The following MACROD2 variants were observed in gnomAD, a reference collection of about 807,000 sequenced individuals.
The protein encoded by MACROD2 is mono-ADP ribosylhydrolase 2, also known as ADP-ribose glycohydrolase MACROD2.
In MACROD2, 36 loss-of-function variants were observed where a neutral mutation model predicts 70.4. That is an observed-to-expected ratio of 0.51 (90% CI 0.39 to 0.68). MACROD2 has a LOEUF of 0.68. Ranked by LOEUF, MACROD2 falls within the 30% of genes least tolerant of loss-of-function variation. The pLI is 0.00. For missense variants in MACROD2, 496 were observed against 538.4 expected, an observed-to-expected ratio of 0.92 and a Z score of 0.78; for synonymous variants, 172 against 178.8, an observed-to-expected ratio of 0.96 and a Z score of 0.30.
chr20:15,204,394 T>C (rs1400106882), intron 5 of MACROD2, among the ~76,000 whole-genome samples: 1 of 152,136 alleles, frequency 6.6e-6, no homozygotes, highest in African/African-American at 2.4e-5. Flanking sequence ...TGAATTCTAA[T>C]AGGTCTAATT....
intron 8 of MACROD2, among the ~76,000 whole-genome samples, chr20:15,715,886 G>C (rs1393046553): frequency 1.3e-5 from 2 of 152,068 alleles, no homozygotes; most frequent in East Asian, 3.9e-4. Flanking sequence ...CAGATAAAAA[G>C]ATTCAAGACT....
rs140435883 is a variant in MACROD2 at position 15,252,706 on chromosome 20, A to G, written c.540+22645A>G. 1.7e-3 allele frequency among the ~76,000 whole-genome samples: 260 copies of G among 152,340 alleles called. 1 individual carries two copies. The highest frequency in any genetic ancestry group is 1.8e-3 in the Non-Finnish European group (124 of 68,018). On this transcript the variant is annotated intron_variant, in intron 6 of 17. Coordinates refer to ENST00000684519, the MANE Select transcript of MACROD2 (RefSeq NM_001351661.2). The stretch of plus-strand genomic sequence containing the variant: ...ATGAAAAACATCACCAGAAGGATTA[A>G]GAAACTTGGCCAAGATCACTTGCAA...
At chr20:14,480,938 A>G (rs955681537) in intron 3 of MACROD2, among the ~76,000 whole-genome samples, 39 of 152,190 alleles carry the variant, frequency 2.6e-4, no homozygotes, top group African/African-American at 9.2e-4. Context: ...AATAGAAGCC[A>G]ACTACAATTT....
intron 5 of MACROD2, among the ~76,000 whole-genome samples, chr20:14,764,978 C>A (rs2072067285): frequency 6.6e-6 from 1 of 152,094 alleles, no homozygotes; most frequent in African/African-American, 2.4e-5. Context: ...CGGCACTGTG[C>A]AAACAATGGC....
At chr20:15,904,746 T>A (rs1054636435) in intron 10 of MACROD2, among the ~76,000 whole-genome samples, 2 of 151,992 alleles carry the variant, frequency 1.3e-5, no homozygotes, top group African/African-American at 4.8e-5. Flanking sequence ...CCGGGCGTGG[T>A]GGCTGGTGCC....
chr20:14,204,520 A>G (rs1295540772), intron 3 of MACROD2, among the ~76,000 whole-genome samples: 1 of 152,110 alleles, frequency 6.6e-6, no homozygotes, highest in Non-Finnish European at 1.5e-5. Context: ...CTCTGAAACA[A>G]TGCCATCATG....
intron 6 of MACROD2, among the ~76,000 whole-genome samples, chr20:15,296,760 T>C (rs1181568184): frequency 1.3e-5 from 2 of 151,806 alleles, no homozygotes; most frequent in Non-Finnish European, 2.9e-5. Flanking sequence ...ATTTGCCTTT[T>C]TCTATGGTGT....
intron 10 of MACROD2, among the ~76,000 whole-genome samples, chr20:15,929,154 C>A (rs535156797): frequency 6.6e-6 from 1 of 152,292 alleles, no homozygotes; most frequent in Admixed American, 6.5e-5. Context: ...GGTTCTACTG[C>A]AAGCTGTGAG....
rs564229992 is a variant in MACROD2 at position 15,636,555 on chromosome 20, A to G, written c.645+136708A>G. 9.8e-5 allele frequency among the ~76,000 whole-genome samples: 15 copies of G among 152,298 alleles called. No individual in the cohort carries two copies. In the East Asian group the frequency reaches 2.7e-3, roughly 27 times the overall value. On this transcript the variant is annotated intron_variant, in intron 8 of 17. Coordinates refer to ENST00000684519, the MANE Select transcript of MACROD2 (RefSeq NM_001351661.2). ...TTGACCTTGTTTGTATGTATATCAC[A>G]GTGTTTATATAGTCAGATCTTTCAG...
intron 4 of MACROD2, among the ~76,000 whole-genome samples, chr20:14,633,406 T>G (rs1984620519): frequency 6.6e-6 from 1 of 152,174 alleles, no homozygotes; most frequent in Non-Finnish European, 1.5e-5. Flanking sequence ...TTTAATCTTC[T>G]TCAAAGGAAA....
intron 5 of MACROD2, among the ~76,000 whole-genome samples, chr20:15,206,379 T>C (rs1436217376): frequency 6.6e-6 from 1 of 152,166 alleles, no homozygotes; most frequent in Non-Finnish European, 1.5e-5. Context: ...TATTGCTTAT[T>C]CTGTTTAAAA....
In MACROD2 at chr20:13,995,693, C is replaced by T. The variant is rs1048579776; in HGVS notation, c.-71C>T. 35 of 1,358,408 alleles carry T rather than the reference C, an allele frequency of 2.6e-5. No homozygotes were observed. The East Asian group carries it at 2.8e-4, about 11-fold the overall frequency. The allele number at this position is 1,358,408 out of a possible 1,614,324, so 84.1% of individuals were successfully genotyped here. A position where few individuals can be genotyped will look rare whatever the true frequency, so the allele number is the denominator to read the frequency against. On this transcript the variant is annotated 5_prime_UTR_variant, in exon 1 of 18. Coordinates refer to ENST00000684519, the MANE Select transcript of MACROD2 (RefSeq NM_001351661.2). The surrounding 1 kb of genome is among the most constrained non-coding windows in gnomAD (Gnocchi z 4.3). Reference sequence around the variant, plus strand: ...TGAGTGCCCCCTCCCACCCCTCCCACTCCACACACACCCTGTTTGCCCGTG... The same window carrying T: ...TGAGTGCCCCCTCCCACCCCTCCCATTCCACACACACCCTGTTTGCCCGTG...
At chr20:15,281,565 C>A (rs976054657) in intron 6 of MACROD2, among the ~76,000 whole-genome samples, 1 of 152,192 alleles carries the variant, frequency 6.6e-6, no homozygotes, top group African/African-American at 2.4e-5. Flanking sequence ...CCTCAAAGTT[C>A]CAAAATTATC....
intron 6 of MACROD2, among the ~76,000 whole-genome samples, chr20:15,363,075 T>C (rs1190049501): frequency 6.6e-6 from 1 of 152,126 alleles, no homozygotes; most frequent in Non-Finnish European, 1.5e-5. Context: ...TAAGTTGATT[T>C]AGTTTCTATT....
At chr20:14,007,674 T>G (rs1214545053) in intron 2 of MACROD2, among the ~76,000 whole-genome samples, 3 of 152,196 alleles carry the variant, frequency 2.0e-5, no homozygotes. Flanking sequence ...AGTTATGCCT[T>G]CTGTTAATCT....
intron 9 of MACROD2, among the ~76,000 whole-genome samples, chr20:15,870,235 A>ATAT (rs74175654): frequency 0.014 from 2,065 of 148,920 alleles, 39 homozygotes; most frequent in Middle Eastern, 0.043. Context: ...GTTGGGTTTT[A>ATAT]TATTATTATT....
intron 8 of MACROD2, among the ~76,000 whole-genome samples, chr20:15,653,552 G>C (rs1375709549): frequency 3.9e-5 from 6 of 152,150 alleles, no homozygotes; most frequent in Non-Finnish European, 8.8e-5. Flanking sequence ...AGTCATAAAA[G>C]TGTTTATTAT....
intron 3 of MACROD2, among the ~76,000 whole-genome samples, chr20:14,246,485 T>A (rs1376332427): frequency 6.6e-6 from 1 of 152,204 alleles, no homozygotes; most frequent in African/African-American, 2.4e-5. Context: ...ATCTCCATTG[T>A]GTGAAGCTTT....
chr20:15,864,408 T>C (rs570405182), intron 9 of MACROD2, among the ~76,000 whole-genome samples: 2 of 152,308 alleles, frequency 1.3e-5, no homozygotes, highest in South Asian at 4.1e-4. Flanking sequence ...TCATAATTGA[T>C]AAGATTTTAT....
Sources: gnomAD v4.1 joint callset for allele counts (sites outside exome capture counted in the v4.1 genomes callset) on GRCh38, gnomAD v4.1.1 for gene constraint, Gnocchi (gnomAD v3.1) non-coding constraint, MANE v1.5 for transcripts, NCBI Gene and HGNC (gene_info 2026-07-23, HGNC 2026-07-21) for gene names.